The following SFMBT2 variants were observed in gnomAD, a reference collection of about 807,000 sequenced individuals.
The protein encoded by SFMBT2 is scm-like with four MBT domains protein 2.
Under a neutral mutation model 110.1 loss-of-function variants are expected in SFMBT2, and 38 were observed. The observed-to-expected ratio is 0.35, with a 90% CI of 0.27 to 0.45. SFMBT2 has a LOEUF of 0.45. Ranked by LOEUF, SFMBT2 falls within the 20% of genes least tolerant of loss-of-function variation. The pLI, the probability that SFMBT2 is intolerant of heterozygous loss-of-function variation, is 1.00. For synonymous variants in SFMBT2, 425 were observed against 425.4 expected, an observed-to-expected ratio of 1.00 and a Z score of 0.01; for missense variants, 1,011 against 1,094.9, an observed-to-expected ratio of 0.92 and a Z score of 1.08.
chr10:7,287,949 G>T (rs1323479998), intron 4 of SFMBT2, among the ~76,000 whole-genome samples: 1 of 152,128 alleles, frequency 6.6e-6, no homozygotes, highest in Non-Finnish European at 1.5e-5. Context: ...GTGTTCTAAG[G>T]ACTAAAGGAC....
chr10:7,382,087 T>C, intron 1 of SFMBT2, 138 bp from the exon 2 acceptor site: 1 of 486,030 alleles, frequency 2.1e-6, no homozygotes, highest in South Asian at 3.5e-5. Context: ...AACATAATGT[T>C]GTAATAGAAA....
intron 7 of SFMBT2, among the ~76,000 whole-genome samples, chr10:7,252,767 A>G (rs528585540): frequency 6.6e-6 from 1 of 152,258 alleles, no homozygotes; most frequent in East Asian, 1.9e-4. Context: ...GTAAATGTAT[A>G]TTGGTCTTTG....
intron 1 of SFMBT2, among the ~76,000 whole-genome samples, chr10:7,387,560 C>T (rs1452241870): frequency 2.0e-5 from 3 of 151,814 alleles, no homozygotes; most frequent in Non-Finnish European, 4.4e-5. Flanking sequence ...CTTGGGTGGG[C>T]CGGGGGGTGC....
At chr10:7,392,497 G>A (rs1397048104) in intron 1 of SFMBT2, among the ~76,000 whole-genome samples, 6 of 151,946 alleles carry the variant, frequency 3.9e-5, no homozygotes, top group Non-Finnish European at 7.4e-5. Context: ...CCTGGACAAA[G>A]AGCGAGACTC....
chr10:7,392,253 G>A (rs548209163), intron 1 of SFMBT2, among the ~76,000 whole-genome samples: 3 of 152,190 alleles, frequency 2.0e-5, no homozygotes, highest in East Asian at 3.9e-4. Context: ...GGTGGCTCAC[G>A]CCTGTAATCC....
chr10:7,208,354 C>A (rs7920315), intron 11 of SFMBT2, among the ~76,000 whole-genome samples: 62,373 of 152,004 alleles, frequency 0.41, 13,246 homozygotes, highest in Middle Eastern at 0.56. Context: ...ATATATTTAT[C>A]TTTCCAGATT....
chr10:7,258,824 T>C (rs1004574948), intron 7 of SFMBT2, among the ~76,000 whole-genome samples: 9 of 152,228 alleles, frequency 5.9e-5, no homozygotes, highest in African/African-American at 1.9e-4. Flanking sequence ...AAATCAATAG[T>C]ATTATGACAT....
intron 4 of SFMBT2, among the ~76,000 whole-genome samples, chr10:7,296,946 G>A (rs141018635): frequency 1.3e-5 from 2 of 152,274 alleles, no homozygotes; most frequent in South Asian, 2.1e-4. Context: ...TAAAGCAGAC[G>A]GCCTTGGACT....
intron 7 of SFMBT2, among the ~76,000 whole-genome samples, chr10:7,257,773 G>A (rs747304223): frequency 5.9e-5 from 9 of 152,068 alleles, no homozygotes; most frequent in East Asian, 1.9e-4. Context: ...TCTTCCCATC[G>A]CCACTTTATT....
At position 7,205,844 on chromosome 10, in the gene SFMBT2, T is replaced by C. The variant is rs769061823; in HGVS notation, c.1415A>G (p.Tyr472Cys). Residue 472 changes from tyrosine to cysteine, a missense_variant, in exon 12 of 21, where the codon TAT becomes TGT. Transcript: ENST00000397167. Reference protein sequence around the residue: ...FPVGWCEANSYPLTAPHKTVS... With the variant: ...FPVGWCEANSCPLTAPHKTVS... ...TGTTTTGTGTGGTGCAGTCAAAGGA[T>C]AAGAATTGGCTTCACACCAGCCCAC... 7 of 1,613,970 alleles carry C rather than the reference T, an allele frequency of 4.3e-6. 1 individual carries two copies. The East Asian group carries it at 1.3e-4, about 31-fold the overall frequency.
At chr10:7,276,755 T>C in intron 7 of SFMBT2, 137 bp downstream of exon 7, 1 of 633,852 alleles carries the variant, frequency 1.6e-6, no homozygotes, top group Non-Finnish European at 2.8e-6. Context: ...CTCGATCTCC[T>C]GATGTCGTGA....
chr10:7,396,168 G>T (rs968826264), intron 1 of SFMBT2, among the ~76,000 whole-genome samples: 18 of 152,202 alleles, frequency 1.2e-4, no homozygotes, highest in African/African-American at 4.3e-4. Context: ...AGAATCGCTT[G>T]AACCCAGGAG....
intron 15 of SFMBT2, among the ~76,000 whole-genome samples, chr10:7,196,673 A>G (rs1280139795): frequency 6.6e-6 from 1 of 152,232 alleles, no homozygotes. Context: ...TGTTCAATGG[A>G]TCAATGGATT....
At chr10:7,199,481 C>G (rs999688359) in intron 14 of SFMBT2, among the ~76,000 whole-genome samples, 2 of 152,086 alleles carry the variant, frequency 1.3e-5, no homozygotes, top group African/African-American at 2.4e-5. Context: ...TAGGAACCAG[C>G]AGAGGTAGGA....
chr10:7,255,608 G>A (rs1208726824), intron 7 of SFMBT2, among the ~76,000 whole-genome samples: 3 of 152,162 alleles, frequency 2.0e-5, no homozygotes, highest in Non-Finnish European at 4.4e-5. Flanking sequence ...TGTCTTCACA[G>A]GCTACTGTGG....
intron 9 of SFMBT2, among the ~76,000 whole-genome samples, chr10:7,236,433 T>A (rs1217847737): frequency 3.9e-5 from 6 of 152,122 alleles, no homozygotes; most frequent in African/African-American, 1.4e-4. Context: ...TTCAGGGCTA[T>A]ACAAACAGAC....
chr10:7,387,371 C>T (rs936689459), intron 1 of SFMBT2, among the ~76,000 whole-genome samples: 3 of 152,120 alleles, frequency 2.0e-5, no homozygotes, highest in Non-Finnish European at 2.9e-5. Context: ...ATGCCAGACA[C>T]CACGTTGGGC....
chr10:7,392,523 A>C (rs1845797162), intron 1 of SFMBT2, among the ~76,000 whole-genome samples: 1 of 152,130 alleles, frequency 6.6e-6, no homozygotes, highest in South Asian at 2.1e-4. Flanking sequence ...CAAAGGAAAA[A>C]AAAAAATAGT....
intron 10 of SFMBT2, 26 bp from the exon 11 acceptor site, chr10:7,220,563 G>A: frequency 6.2e-7 from 1 of 1,613,580 alleles, no homozygotes. Flanking sequence ...GACCAACACT[G>A]AGCCAGTGCT....
Sources: allele counts gnomAD v4.1 joint callset (sites outside exome capture counted in the v4.1 genomes callset), GRCh38; gene constraint gnomAD v4.1.1; transcripts MANE v1.5; gene names NCBI Gene and HGNC (gene_info 2026-07-23, HGNC 2026-07-21).